Variants in HACL1 observed in about 807,000 individuals in gnomAD.
HACL1 encodes the protein 2-hydroxyacyl-CoA lyase 1, also known as 1600020H07Rik.
HACL1 carries 64 observed loss-of-function variants against 74.2 expected under a neutral mutation model. The observed-to-expected ratio is 0.86, with a 90% CI of 0.70 to 1.06. HACL1 has a LOEUF of 1.06. Ranked by LOEUF, HACL1 falls within the 50% of genes least tolerant of loss-of-function variation. The pLI, the probability that HACL1 is intolerant of heterozygous loss-of-function variation, is 0.00. For missense variants in HACL1, 728 were observed against 719.7 expected (o/e 1.01, Z -0.13); for synonymous variants, 230 against 238.8 (o/e 0.96, Z 0.34).
chr3:15,574,015 T>A (rs1276831843), intron 10 of HACL1, among the ~76,000 whole-genome samples: 1 of 152,206 alleles, frequency 6.6e-6, no homozygotes, highest in African/African-American at 2.4e-5. Context: ...AATTAGAAGT[T>A]GACTCCTTAA....
In HACL1 at chr3:15,571,668, C is replaced by T. The variant is rs1204607209; in HGVS notation, c.1095G>A (p.Lys365=). The change falls in exon 12 of 17, where the codon AAG becomes AAA. Residue 365 remains lysine (K), a splice_region_variant and synonymous_variant. Coordinates refer to ENST00000321169, the MANE Select transcript of HACL1 (RefSeq NM_012260.4). ...TGAGCGTCAGTAGGTCCGATTTTAC[C>T]TTGGATGCAGCTTCATTGCTCTTCA... ...EKMKSNEAAS[K]ELASKKSLPM... is the part of the protein sequence containing the mutation. 7.5e-7 allele frequency: 1 copy of T among 1,331,808 alleles called. No homozygotes were observed. The highest frequency in any genetic ancestry group is 1.1e-6 in the Non-Finnish European group (1 of 923,496). 82.5% of individuals were successfully genotyped at this position (1,331,808 alleles called of 1,614,324 possible). A position where few individuals can be genotyped will look rare whatever the true frequency, so the allele number is the denominator to read the frequency against.
chr3:15,592,480 A>ACACACACG (rs1491580954), intron 3 of HACL1, among the ~76,000 whole-genome samples: 2 of 11,098 alleles, frequency 1.8e-4, no homozygotes, highest in African/African-American at 2.5e-3. Flanking sequence ...ACACGTATAC[A>ACACACACG]TACACTTGTA....
intron 2 of HACL1, among the ~76,000 whole-genome samples, chr3:15,596,645 C>A (rs1280131440): frequency 6.6e-6 from 1 of 152,170 alleles, no homozygotes; most frequent in Non-Finnish European, 1.5e-5. Flanking sequence ...TTCAAAACAT[C>A]CTCTTACAAT....
rs2063464900 is a variant in HACL1 at position 15,567,966 on chromosome 3, A to AC, written c.1286dup (p.Leu430PhefsTer12). 1 of 1,614,110 alleles carries AC rather than the reference A, an allele frequency of 6.2e-7. No homozygotes were observed. Among genetic ancestry groups the AC allele is most frequent in the African/African-American group, 1.3e-5 (1 of 75,026 alleles). ...CGGCAGCTGCAATAGCAAATCCCAA[A>AC]CCAACTCCCATTGTTCCGAAAGTAC... is the stretch of plus-strand genomic sequence containing the variant. On this transcript the variant is annotated frameshift_variant, in exon 14 of 17. Coordinates refer to ENST00000321169, the MANE Select transcript of HACL1 (RefSeq NM_012260.4). LOFTEE classifies it high-confidence loss of function.
At chr3:15,577,357 A>G (rs193056725) in intron 9 of HACL1, among the ~76,000 whole-genome samples, 1 of 152,188 alleles carries the variant, frequency 6.6e-6, no homozygotes, top group Admixed American at 6.5e-5. Flanking sequence ...ATTAATTTTA[A>G]CCCATGAATG....
At chr3:15,592,401 T>C (rs1042617178) in intron 3 of HACL1, among the ~76,000 whole-genome samples, 1 of 151,106 alleles carries the variant, frequency 6.6e-6, no homozygotes, top group African/African-American at 2.4e-5. Flanking sequence ...CGTGTATACA[T>C]GTAGACACAC....
chr3:15,582,911 C>T lies in HACL1; in HGVS notation c.633G>A (p.Arg211=), dbSNP rs370702878. The change falls in exon 8 of 17, where the codon AGG becomes AGA. Residue 211 remains arginine, a synonymous_variant. Transcript: ENST00000321169. ...SAVCTAASVI[R]NAKQPLLIIG... The stretch of plus-strand genomic sequence containing the variant: ...TGATAAGAAGGGGTTGTTTGGCATT[C>T]CTAATAACAGAAGCCGCCGTGCACA... The T allele has an allele frequency of 2.2e-5, 35 of 1,608,642 alleles. No homozygotes were observed. Among genetic ancestry groups the T allele is most frequent in the Non-Finnish European group, 2.9e-5 (34 of 1,175,350 alleles).
intron 2 of HACL1, chr3:15,600,761 T>C (rs1453523345): frequency 1.2e-5 from 4 of 345,890 alleles, no homozygotes; most frequent in Admixed American, 4.0e-5. Flanking sequence ...TGTAGCCTAA[T>C]AGGGAAGTCA....
intron 10 of HACL1, among the ~76,000 whole-genome samples, chr3:15,574,517 A>G (rs1371016894): frequency 1.3e-5 from 2 of 152,256 alleles, no homozygotes; most frequent in Non-Finnish European, 2.9e-5. Flanking sequence ...ATCATCAAAG[A>G]CAGGTCAGAA....
chr3:15,584,565 G>C (rs1240104475), intron 7 of HACL1, among the ~76,000 whole-genome samples: 1 of 152,028 alleles, frequency 6.6e-6, no homozygotes, highest in African/African-American at 2.4e-5. Context: ...TCCAGCCCGG[G>C]CAACAGGGAG....
chr3:15,582,016 C>T (rs184385423), intron 8 of HACL1, among the ~76,000 whole-genome samples: 103 of 152,332 alleles, frequency 6.8e-4, no homozygotes, highest in African/African-American at 2.3e-3. Context: ...AGTCACAGAG[C>T]TAATACATCA....
At position 15,583,463 on chromosome 3, in the gene HACL1, A is replaced by G. The variant is rs148715947; in HGVS notation, c.555-474T>C. Among the ~76,000 whole-genome samples, 34 of 152,278 alleles carry G rather than the reference A, an allele frequency of 2.2e-4. No individual in the cohort carries two copies. The East Asian group carries it at 6.6e-3, about 29-fold the overall frequency. On this transcript the variant is annotated intron_variant, in intron 7 of 16. Transcript: ENST00000321169. ...TGCTATGTGCCATTTATTCTCATTT[A>G]ACTGTCAAAACAATGAGGTTAGGTA...
chr3:15,594,435 C>A (rs1410805085), intron 3 of HACL1, among the ~76,000 whole-genome samples: 2 of 152,072 alleles, frequency 1.3e-5, no homozygotes, highest in East Asian at 3.9e-4. Flanking sequence ...AATGTTTTAC[C>A]CTTCAGTGTG....
intron 12 of HACL1, among the ~76,000 whole-genome samples, 185 bp downstream of exon 12, chr3:15,571,483 T>C (rs539549863): frequency 1.3e-5 from 2 of 152,326 alleles, no homozygotes; most frequent in East Asian, 3.9e-4. Context: ...TCTTATCTTA[T>C]TTTTATGTTA....
At position 15,570,806 on chromosome 3, in the gene HACL1, C is replaced by T. The variant is rs142752909; in HGVS notation, c.1095+862G>A. On this transcript the variant is annotated intron_variant, in intron 12 of 16. Coordinates refer to ENST00000321169, the MANE Select transcript of HACL1 (RefSeq NM_012260.4). The stretch of plus-strand genomic sequence containing the variant: ...AATGAGAGCGCTGCAAAAAAATTTC[C>T]AGCAGTGATAAAAATGTTAAATAAA... Among the ~76,000 whole-genome samples the T allele has an allele frequency of 1.7e-3, 265 of 152,030 alleles. 3 individuals carry two copies. Among genetic ancestry groups the T allele is most frequent in the Middle Eastern group, 0.01 (3 of 294 alleles).
At chr3:15,600,508 G>C (rs11929113) in intron 2 of HACL1, among the ~76,000 whole-genome samples, 4,126 of 152,290 alleles carry the variant, frequency 0.027, 195 homozygotes, top group African/African-American at 0.091. Context: ...CTCTAAGAAA[G>C]GTGGCAGCAT....
intron 7 of HACL1, among the ~76,000 whole-genome samples, chr3:15,584,456 C>T (rs930415033): frequency 6.6e-6 from 1 of 152,036 alleles, no homozygotes; most frequent in African/African-American, 2.4e-5. Context: ...AGCATGGTGG[C>T]GGGCGCCTGT....
intron 1 of HACL1, 55 bp downstream of exon 1, chr3:15,601,328 C>T: frequency 6.2e-6 from 10 of 1,609,178 alleles, no homozygotes; most frequent in Non-Finnish European, 6.8e-6. Context: ...AAGACAACAT[C>T]GCGGTCCCCG....
chr3:15,561,164 C>T (rs527433608), intron 16 of HACL1, among the ~76,000 whole-genome samples: 15 of 152,176 alleles, frequency 9.9e-5, no homozygotes, highest in Non-Finnish European at 2.2e-4. Context: ...CTAAAAGAAC[C>T]AGAAGTACAC....
Sources: allele counts gnomAD v4.1 joint callset (sites outside exome capture counted in the v4.1 genomes callset), GRCh38; gene constraint gnomAD v4.1.1; transcripts MANE v1.5; gene names NCBI Gene and HGNC (gene_info 2026-07-23, HGNC 2026-07-21).